The following ADAMTS18 variants were observed in gnomAD, a reference collection of about 807,000 sequenced individuals.
ADAMTS18 encodes ADAM metallopeptidase with thrombospondin type 1 motif 18.
ADAMTS18 carries 157 observed loss-of-function variants against 165.9 expected under a neutral mutation model. The ratio of observed to expected loss-of-function variants is 0.95; its 90% CI spans 0.83 to 1.08. The LOEUF (loss-of-function observed/expected upper bound fraction) is 1.08, where lower values mean the gene tolerates loss of function less well. Among genes scored for constraint, ADAMTS18 ranks in the 50% least tolerant of loss-of-function variants. The pLI, the probability that ADAMTS18 is intolerant of heterozygous loss-of-function variation, is 0.00. For missense variants in ADAMTS18, 2,040 were observed against 1,534.0 expected, an observed-to-expected ratio of 1.33 and a Z score of -5.51; for synonymous variants, 782 against 578.2, an observed-to-expected ratio of 1.35 and a Z score of -5.06.
Position 77,353,828 on chromosome 16 carries a change from G to T in ADAMTS18, c.1519C>A (p.Pro507Thr). Residue 507 changes from proline (P) to threonine (T), a missense_variant, in exon 10 of 23, where the codon CCG becomes ACG. By Grantham distance (38) the Pro-to-Thr change is conservative. Transcript: ENST00000282849. Reference sequence around the variant, plus strand: ...TAAATCTGTCCTGGTAGTTTGTCCGGATATTTATACTGTCCTGCTTGCTTG... The same window carrying T: ...TAAATCTGTCCTGGTAGTTTGTCCGTATATTTATACTGTCCTGCTTGCTTG... ...EPKQAGQYKY[P>T]DKLPGQIYDA... 1 of 1,614,088 alleles carries T rather than the reference G, an allele frequency of 6.2e-7. No individual in the cohort carries two copies. Among genetic ancestry groups the T allele is most frequent in the African/African-American group, 1.3e-5 (1 of 75,030 alleles).
At chr16:77,408,151 C>T (rs1336475414) in intron 3 of ADAMTS18, among the ~76,000 whole-genome samples, 1 of 152,016 alleles carries the variant, frequency 6.6e-6, no homozygotes, top group Non-Finnish European at 1.5e-5. Flanking sequence ...CACAGATTTA[C>T]TATATGATAT....
intron 12 of ADAMTS18, among the ~76,000 whole-genome samples, chr16:77,333,644 C>A (rs891180974): frequency 2.0e-5 from 3 of 151,606 alleles, no homozygotes; most frequent in African/African-American, 7.2e-5. Flanking sequence ...TCTGTATTCC[C>A]ATGTTCAATT....
chr16:77,421,719 G>A (rs1241211032), intron 3 of ADAMTS18, among the ~76,000 whole-genome samples: 2 of 152,116 alleles, frequency 1.3e-5, no homozygotes, highest in Non-Finnish European at 2.9e-5. Flanking sequence ...TGTCCCATAT[G>A]TATTTGACAT....
intron 12 of ADAMTS18, among the ~76,000 whole-genome samples, chr16:77,326,710 T>A (rs1034588332): frequency 1.3e-5 from 2 of 152,260 alleles, no homozygotes; most frequent in Non-Finnish European, 2.9e-5. Context: ...GTTTTTAAAT[T>A]TTTTAAATTT....
chr16:77,350,472 T>C (rs2056540037), intron 10 of ADAMTS18, among the ~76,000 whole-genome samples: 1 of 152,098 alleles, frequency 6.6e-6, no homozygotes, highest in Non-Finnish European at 1.5e-5. Context: ...AAGAGATGAA[T>C]CCTCACCAAT....
chr16:77,365,428 A>C lies in ADAMTS18; in HGVS notation c.779-1047T>G, dbSNP rs1209737377. ...TGTCTTAAACTCTCATTTCATCAACACAGACTTTAACATAGCACATAAGAA... is the reference window on the plus strand; with the variant it reads ...TGTCTTAAACTCTCATTTCATCAACCCAGACTTTAACATAGCACATAAGAA... On this transcript the variant is annotated intron_variant, in intron 4 of 22. Transcript: ENST00000282849. Among the ~76,000 whole-genome samples, 5 of 152,222 alleles carry C rather than the reference A, an allele frequency of 3.3e-5. No individual in the cohort carries two copies. In the East Asian group the frequency reaches 9.6e-4, roughly 29 times the overall value.
rs1405969656 is a variant in ADAMTS18, at chr16:77,295,143, A to G, written c.2802-16T>C. The G allele has an allele frequency of 6.2e-7, 1 of 1,613,908 alleles. No homozygotes were observed. Among genetic ancestry groups the G allele is most frequent in the Non-Finnish European group, 8.5e-7 (1 of 1,179,966 alleles). ...TGGCATCCAGCTTTCAGTGCAAAAC[A>G]AACATTACCAATGAAGCCAAACTTT... On this transcript the variant is annotated splice_polypyrimidine_tract_variant and intron_variant, in intron 18 of 22. Coordinates refer to ENST00000282849, the MANE Select transcript of ADAMTS18 (RefSeq NM_199355.4).
At chr16:77,302,208 T>C (rs2055597653) in intron 16 of ADAMTS18, among the ~76,000 whole-genome samples, 1 of 152,190 alleles carries the variant, frequency 6.6e-6, no homozygotes, top group Non-Finnish European at 1.5e-5. Context: ...ATACAGAAAC[T>C]TTACAGTTTT....
chr16:77,375,446 G>A (rs1027261505), intron 3 of ADAMTS18, among the ~76,000 whole-genome samples: 1 of 152,194 alleles, frequency 6.6e-6, no homozygotes, highest in African/African-American at 2.4e-5. Context: ...TAGAAGGGGT[G>A]AGAGGAGCGG....
rs151096086 is a variant in ADAMTS18 at position 77,424,387 on chromosome 16, G to A, written c.495+6908C>T. Reference sequence around the variant, plus strand: ...GGAAGCTGAGGCAGGAGAATTGCTCGAACCCGTGAGGCAGAGGTTGCAGTG... The same window carrying A: ...GGAAGCTGAGGCAGGAGAATTGCTCAAACCCGTGAGGCAGAGGTTGCAGTG... On this transcript the variant is annotated intron_variant, in intron 3 of 22. Coordinates refer to ENST00000282849, the MANE Select transcript of ADAMTS18 (RefSeq NM_199355.4). Among the ~76,000 whole-genome samples the A allele has an allele frequency of 1.4e-3, 205 of 151,590 alleles. 1 individual carries two copies. Among genetic ancestry groups the A allele is most frequent in the African/African-American group, 3.9e-3 (159 of 41,276 alleles).
chr16:77,304,187 A>G (rs371275388), intron 16 of ADAMTS18, among the ~76,000 whole-genome samples: 1 of 152,374 alleles, frequency 6.6e-6, no homozygotes, highest in East Asian at 1.9e-4. Flanking sequence ...ACACAAAGCA[A>G]CAAAATTTGA....
At chr16:77,393,326 A>G (rs1266429256) in intron 3 of ADAMTS18, among the ~76,000 whole-genome samples, 1 of 152,154 alleles carries the variant, frequency 6.6e-6, no homozygotes, top group African/African-American at 2.4e-5. Context: ...GTTTGCATTC[A>G]TCCAATAGGG....
intron 10 of ADAMTS18, among the ~76,000 whole-genome samples, chr16:77,349,815 A>T (rs747303064): frequency 1.3e-5 from 2 of 152,124 alleles, no homozygotes; most frequent in African/African-American, 4.8e-5. Context: ...TTCCAATACA[A>T]TGCTCTCTAG....
intron 10 of ADAMTS18, 116 bp downstream of exon 10, chr16:77,353,617 A>C: frequency 6.2e-5 from 85 of 1,366,152 alleles, no homozygotes; most frequent in Middle Eastern, 2.2e-4. Context: ...CTGACACGGT[A>C]GAGATAACCC....
intron 9 of ADAMTS18, among the ~76,000 whole-genome samples, chr16:77,354,810 T>C (rs772380998): frequency 3.9e-5 from 6 of 152,232 alleles, no homozygotes; most frequent in Admixed American, 3.9e-4. Context: ...TTTAACTACA[T>C]ACTAACGGAA....
rs758574159 is a variant in ADAMTS18 at position 77,353,869 on chromosome 16, C to T, written c.1478G>A (p.Cys493Tyr). The change falls in exon 10 of 23, where the codon TGT (cysteine) becomes TAT (tyrosine). Residue 493 changes from cysteine (C) to tyrosine (Y), a missense_variant. Physicochemically the swap from Cys to Tyr is radical, Grantham distance 194. Coordinates refer to ENST00000282849, the MANE Select transcript of ADAMTS18 (RefSeq NM_199355.4). ...TGCTTGCTTGGGCTCATCCACTAGA[C>T]ACCCCGCCTGAGGTGTGCTGTAATG... ...KKFLSTPQAG[C>Y]LVDEPKQAGQ... The T allele has an allele frequency of 6.2e-7, 1 of 1,614,188 alleles. No homozygotes were observed. Among genetic ancestry groups the T allele is most frequent in the Non-Finnish European group, 8.5e-7 (1 of 1,180,038 alleles).
intron 16 of ADAMTS18, among the ~76,000 whole-genome samples, chr16:77,304,476 C>T: frequency 6.6e-6 from 1 of 152,134 alleles, no homozygotes; most frequent in Non-Finnish European, 1.5e-5. Context: ...CAAAAACAAT[C>T]AAATACTTCT....
At chr16:77,384,174 G>C (rs2057073507) in intron 3 of ADAMTS18, among the ~76,000 whole-genome samples, 1 of 152,138 alleles carries the variant, frequency 6.6e-6, no homozygotes, top group Admixed American at 6.5e-5. Flanking sequence ...TATGTATGGT[G>C]CTAAGGGAGA....
chr16:77,413,129 T>A (rs770759734), intron 3 of ADAMTS18, among the ~76,000 whole-genome samples: 1 of 152,280 alleles, frequency 6.6e-6, no homozygotes, highest in South Asian at 2.1e-4. Flanking sequence ...GCAACAAGAA[T>A]AGACAGAGGA....
Sources: gnomAD v4.1 joint callset for allele counts (sites outside exome capture counted in the v4.1 genomes callset) on GRCh38, gnomAD v4.1.1 for gene constraint, MANE v1.5 for transcripts, NCBI Gene and HGNC (gene_info 2026-07-23, HGNC 2026-07-21) for gene names.